The following WDFY4 variants were observed in gnomAD, a reference collection of about 807,000 sequenced individuals.
WDFY4 encodes the protein WD repeat- and FYVE domain-containing protein 4.
In WDFY4, 169 loss-of-function variants were observed where a neutral mutation model predicts 351.9. The ratio of observed to expected loss-of-function variants is 0.48; its 90% CI spans 0.42 to 0.55. The LOEUF is 0.55. Ranked by LOEUF, WDFY4 falls within the 20% of genes least tolerant of loss-of-function variation. The pLI is 0.00. For missense variants in WDFY4, 3,803 were observed against 3,935.6 expected, an observed-to-expected ratio of 0.97 and a Z score of 0.90; for synonymous variants, 1,622 against 1,574.6, an observed-to-expected ratio of 1.03 and a Z score of -0.71.
In WDFY4 at chr10:48,981,253, G is replaced by A. The variant is rs1457019233; in HGVS notation, c.9377-114G>A. On this transcript the variant is annotated intron_variant, in intron 60 of 61. Transcript: ENST00000325239. ...TATTTCCCCCTCAATTTAACAAGTT[G>A]CTGACCACAAATATAAATATGTGCG... 3.5e-6 allele frequency: 3 copies of A among 848,268 alleles called. No homozygotes were observed. The African/African-American group carries it at 5.1e-5, about 15-fold the overall frequency. 52.5% of individuals were successfully genotyped at this position (848,268 alleles called of 1,614,324 possible). A position where few individuals can be genotyped will look rare whatever the true frequency, so the allele number is the denominator to read the frequency against.
intron 5 of WDFY4, 60 bp from the exon 6 acceptor site, chr10:48,725,821 A>T: frequency 6.8e-7 from 1 of 1,469,376 alleles, no homozygotes; most frequent in Non-Finnish European, 9.2e-7. Flanking sequence ...GAACAAATCC[A>T]TCTGAGGAAG....
At chr10:48,884,602 C>T (rs1354083721) in intron 43 of WDFY4, among the ~76,000 whole-genome samples, 1 of 152,094 alleles carries the variant, frequency 6.6e-6, no homozygotes, top group African/African-American at 2.4e-5. Context: ...TACACATACA[C>T]ATGTGTGCAC....
At chr10:48,819,639 C>T (rs756956885) in intron 32 of WDFY4, among the ~76,000 whole-genome samples, 8 of 152,162 alleles carry the variant, frequency 5.3e-5, no homozygotes, top group Non-Finnish European at 1.0e-4. Flanking sequence ...GATCTCCCAA[C>T]ATTTTATAAA....
At chr10:48,967,381 G>C (rs1712311256) in intron 55 of WDFY4, 1 of 152,264 alleles carries the variant, frequency 6.6e-6, no homozygotes. Flanking sequence ...AGTGAAGGGA[G>C]CCATGTGATT....
At chr10:48,881,252 C>T (rs147370535) in intron 43 of WDFY4, among the ~76,000 whole-genome samples, 1,584 of 152,342 alleles carry the variant, frequency 0.01, 14 homozygotes, top group Non-Finnish European at 0.014. Flanking sequence ...AACCCTGGTA[C>T]CTATGGCATG....
intron 34 of WDFY4, 59 bp from the exon 35 acceptor site, chr10:48,822,321 A>T (rs2067851860): frequency 1.4e-6 from 2 of 1,455,422 alleles, no homozygotes; most frequent in Non-Finnish European, 9.1e-7. Flanking sequence ...GGGCTTGGAG[A>T]TTGTCATGGA....
intron 1 of WDFY4, among the ~76,000 whole-genome samples, chr10:48,692,586 AAG>A (rs2063223748): frequency 6.6e-6 from 1 of 152,230 alleles, no homozygotes; most frequent in South Asian, 2.1e-4. Flanking sequence ...AAGAGTGAGA[AAG>A]AGAGCGTATT....
At chr10:48,924,005 A>G (rs1839353277) in intron 47 of WDFY4, among the ~76,000 whole-genome samples, 1 of 152,218 alleles carries the variant, frequency 6.6e-6, no homozygotes, top group South Asian at 2.1e-4. Flanking sequence ...GTGATGAGGA[A>G]GCAGCACGGA....
At chr10:48,719,930 G>A (rs1430128650) in intron 2 of WDFY4, 81 bp from the exon 3 acceptor site, 82 of 1,312,130 alleles carry the variant, frequency 6.2e-5, no homozygotes, top group Non-Finnish European at 8.5e-5. Flanking sequence ...GCTTGGGCTG[G>A]TGAAGGGTGG....
intron 1 of WDFY4, among the ~76,000 whole-genome samples, chr10:48,699,115 CA>C (rs1346103031): frequency 6.6e-6 from 1 of 152,152 alleles, no homozygotes; most frequent in Non-Finnish European, 1.5e-5. Flanking sequence ...GTTTTTGCCC[CA>C]GGGGGAGGTG....
intron 44 of WDFY4, among the ~76,000 whole-genome samples, chr10:48,892,066 T>A (rs1836830778): frequency 1.3e-5 from 2 of 152,222 alleles, no homozygotes; most frequent in Admixed American, 1.3e-4. Context: ...TGGCTCCTCA[T>A]CCCATCTTAT....
intron 47 of WDFY4, among the ~76,000 whole-genome samples, chr10:48,903,229 G>A (rs993079433): frequency 2.6e-5 from 4 of 152,192 alleles, no homozygotes; most frequent in Non-Finnish European, 5.9e-5. Flanking sequence ...AGTTGGGGTG[G>A]AGGTGAGGGA....
At chr10:48,733,059 A>C (rs2132349355) in intron 9 of WDFY4, among the ~76,000 whole-genome samples, 1 of 152,348 alleles carries the variant, frequency 6.6e-6, no homozygotes, top group African/African-American at 2.4e-5. Flanking sequence ...TTGGTGTTTA[A>C]ATGAGAAGTC....
intron 47 of WDFY4, chr10:48,914,310 T>G (rs1838298950): frequency 1.3e-6 from 1 of 789,920 alleles, no homozygotes; most frequent in South Asian, 2.0e-5. Flanking sequence ...CGCTTTGCTC[T>G]TCAGTGGTTT....
chr10:48,982,089 A>G (rs1842833187), intron 61 of WDFY4, among the ~76,000 whole-genome samples: 1 of 151,980 alleles, frequency 6.6e-6, no homozygotes, highest in Non-Finnish European at 1.5e-5. Flanking sequence ...GGCACTACAC[A>G]GTGTTTTAGA....
chr10:48,980,900 AC>A (rs1393481229), intron 60 of WDFY4, among the ~76,000 whole-genome samples: 4 of 152,242 alleles, frequency 2.6e-5, no homozygotes, highest in Admixed American at 2.0e-4. Context: ...TTTGAAAAAA[AC>A]ATTCTCAGCA....
intron 47 of WDFY4, among the ~76,000 whole-genome samples, chr10:48,920,141 TAATTGATGCAGAAAAG>T (rs1838924302): frequency 1.3e-5 from 2 of 152,028 alleles, no homozygotes; most frequent in African/African-American, 4.8e-5. Flanking sequence ...AAAGATCTTA[TAATTGATGCAGAAAAG>T]ACATTTGACA....
intron 46 of WDFY4, among the ~76,000 whole-genome samples, chr10:48,901,499 T>C (rs1837350165): frequency 6.6e-6 from 1 of 152,244 alleles, no homozygotes. Context: ...TACAGCAGGA[T>C]TGTTGACATT....
chr10:48,779,994 G>A lies in WDFY4; in HGVS notation c.3451G>A (p.Val1151Ile). Residue 1151 changes from valine to isoleucine, a missense_variant, in exon 19 of 62, where the codon GTC becomes ATC. Transcript: ENST00000325239. The stretch of plus-strand genomic sequence containing the variant: ...GCCTTCTGCAGGATGCCAGCTTCAG[G>A]TCAGGTGTGGCCAGCTCCTGGCTTG... Reference protein sequence around the residue: ...SEPSAGCQLQVRCGQLLACGQ... With the variant: ...SEPSAGCQLQIRCGQLLACGQ... 6.4e-7 allele frequency: 1 copy of A among 1,551,798 alleles called. No individual in the cohort carries two copies.
Sources: gnomAD v4.1 joint callset for allele counts (sites outside exome capture counted in the v4.1 genomes callset) on GRCh38, gnomAD v4.1.1 for gene constraint, MANE v1.5 for transcripts, NCBI Gene and HGNC (gene_info 2026-07-23, HGNC 2026-07-21) for gene names.